CCDC116: variants seen among roughly 807,000 people sequenced by gnomAD.
The protein encoded by CCDC116 is coiled-coil domain containing 116.
Under a neutral mutation model 29.4 loss-of-function variants are expected in CCDC116, and 24 were observed. That is an observed-to-expected ratio of 0.82 (90% CI 0.59 to 1.15). The LOEUF (loss-of-function observed/expected upper bound fraction) is 1.15, where lower values mean the gene tolerates loss of function less well. Among genes scored for constraint, CCDC116 ranks in the 50% most tolerant of loss-of-function variants. The pLI is 0.00. For synonymous variants in CCDC116, 298 were observed against 331.4 expected (o/e 0.90, Z 1.10); for missense variants, 791 against 804.0 (o/e 0.98, Z 0.20).
intron 2 of CCDC116, 29 bp from the exon 3 acceptor site, chr22:21,633,993 T>C: frequency 1.3e-6 from 2 of 1,573,870 alleles, no homozygotes; most frequent in Non-Finnish European, 1.7e-6. Flanking sequence ...AGGGCACCCC[T>C]GCCCCCTGTG....
chr22:21,635,732 G>A (rs889588534), intron 4 of CCDC116: 21 of 608,480 alleles, frequency 3.5e-5, no homozygotes, highest in African/African-American at 9.2e-5. Flanking sequence ...GCTGATGGGG[G>A]CCCATGAATC....
At position 21,633,249 on chromosome 22, in the gene CCDC116, C is replaced by T. The variant is rs1213862545; in HGVS notation, c.68C>T (p.Ala23Val). Residue 23 changes from alanine to valine, a missense_variant, in exon 2 of 5, where the codon GCA (alanine) becomes GTA (valine). Transcript: ENST00000292779. The part of the protein sequence containing the change: ...DDEASHSMCS[A>V]RVQLPKKPLV... ...GAGGCCAGCCACTCCATGTGCAGTG[C>T]ACGGGTAAGTGTGCCCAGCAGGGCG... 3.2e-6 allele frequency: 5 copies of T among 1,548,048 alleles called. No individual in the cohort carries two copies. Among genetic ancestry groups the T allele is most frequent in the South Asian group, 2.4e-5 (2 of 84,008 alleles).
chr22:21,633,264 C>T lies in CCDC116; in HGVS notation c.72+11C>T, dbSNP rs748270771. The T allele has an allele frequency of 5.2e-6, 8 of 1,539,612 alleles. No individual in the cohort carries two copies. The highest frequency in any genetic ancestry group is 7.0e-6 in the Non-Finnish European group (8 of 1,138,462). ...ATGTGCAGTGCACGGGTAAGTGTGC[C>T]CAGCAGGGCGCCGACCCTTGAGGCC... On this transcript the variant is annotated intron_variant, in intron 2 of 4. Coordinates refer to ENST00000292779, the MANE Select transcript of CCDC116 (RefSeq NM_152612.3).
At position 21,634,416 on chromosome 22, in the gene CCDC116, C is replaced by T. The variant is rs750734468; in HGVS notation, c.467C>T (p.Ser156Phe). ...AACAACTACCCATCCAGCTCCAGCT[C>T]CATGTCCAACTGCCATAGCAGCCTC... ...HPNNYPSSSS[S>F]MSNCHSSLMA... Residue 156 changes from serine to phenylalanine, a missense_variant, in exon 3 of 5, where the codon TCC (serine) becomes TTC (phenylalanine). By Grantham distance (155) the Ser-to-Phe change is radical. Coordinates refer to ENST00000292779, the MANE Select transcript of CCDC116 (RefSeq NM_152612.3). 3.7e-6 allele frequency: 6 copies of T among 1,614,114 alleles called. No homozygotes were observed. Among genetic ancestry groups the T allele is most frequent in the Non-Finnish European group, 5.1e-6 (6 of 1,180,058 alleles).
At position 21,632,974 on chromosome 22, in the gene CCDC116, C is replaced by T. The variant is rs1184962207; in HGVS notation, c.-62-146C>T. 1.4e-4 allele frequency: 98 copies of T among 701,334 alleles called. No individual in the cohort carries two copies. The East Asian group carries it at 2.6e-3, about 18-fold the overall frequency. 43.4% of individuals were successfully genotyped at this position (701,334 alleles called of 1,614,324 possible). A position where few individuals can be genotyped will look rare whatever the true frequency, so the allele number is the denominator to read the frequency against. ...CCCGATGACTCTGGAAACTGCCTGC[C>T]TGCAGACGCATGGGGGCCATGGAGC... On this transcript the variant is annotated intron_variant, in intron 1 of 4. Coordinates refer to ENST00000292779, the MANE Select transcript of CCDC116 (RefSeq NM_152612.3).
intron 3 of CCDC116, 55 bp downstream of exon 3, chr22:21,634,625 T>G: frequency 3.2e-6 from 5 of 1,568,358 alleles, no homozygotes; most frequent in Non-Finnish European, 3.5e-6. Context: ...AGCCCAGGGC[T>G]AGGGTCAGCC....
Position 21,637,316 on chromosome 22 carries a change from T to G in CCDC116, c.*246T>G. On this transcript the variant is annotated 3_prime_UTR_variant, in exon 5 of 5. Coordinates refer to ENST00000292779, the MANE Select transcript of CCDC116 (RefSeq NM_152612.3). The stretch of plus-strand genomic sequence containing the variant: ...AAGCCTGTGTTGCTGGGACACAGGT[T>G]TGCTGTCCTGAGATTTCAGCCGCCA... 2.5e-6 allele frequency: 1 copy of G among 399,896 alleles called. No homozygotes were observed. The highest frequency in any genetic ancestry group is 4.4e-6 in the Non-Finnish European group (1 of 227,814). 24.8% of individuals were successfully genotyped at this position (399,896 alleles called of 1,614,324 possible).
At position 21,637,106 on chromosome 22, in the gene CCDC116, C is replaced by G; in HGVS notation, c.*36C>G. 1 of 1,551,238 alleles carries G rather than the reference C, an allele frequency of 6.4e-7. No homozygotes were observed. Among genetic ancestry groups the G allele is most frequent in the Non-Finnish European group, 8.7e-7 (1 of 1,147,416 alleles). ...AGCCTGGAGAGGAGGCCTCGGTCAG[C>G]CACTCCGTGGACGTGGGCCACGGTG... On this transcript the variant is annotated 3_prime_UTR_variant, in exon 5 of 5. Transcript: ENST00000292779.
Position 21,632,803 on chromosome 22 carries a change from T to G in CCDC116, c.-87T>G, listed in dbSNP as rs1930602285. 6 of 399,088 alleles carry G rather than the reference T, an allele frequency of 1.5e-5. No individual in the cohort carries two copies. The highest frequency in any genetic ancestry group is 1.2e-4 in the South Asian group (6 of 48,760). 24.7% of individuals were successfully genotyped at this position (399,088 alleles called of 1,614,324 possible). ...AGTGAGGGCGCAGACTGTACTGGCC[T>G]GTGCGGAGCAAGGCGGTGTTTCTGG... On this transcript the variant is annotated 5_prime_UTR_variant, in exon 1 of 5. Coordinates refer to ENST00000292779, the MANE Select transcript of CCDC116 (RefSeq NM_152612.3).
intron 4 of CCDC116, among the ~76,000 whole-genome samples, chr22:21,635,959 TG>T (rs1024495019): frequency 1.4e-4 from 21 of 152,230 alleles, no homozygotes; most frequent in Admixed American, 3.9e-4. Flanking sequence ...CTCCAGTCCC[TG>T]GACTTTGCTG....
chr22:21,636,608 G>A lies in CCDC116; in HGVS notation c.1380G>A (p.Gln460=), dbSNP rs768686064. Residue 460 remains glutamine, a synonymous_variant, in exon 5 of 5, where the codon CAG becomes CAA. Transcript: ENST00000292779. ...AGTTCGAAAAGGACCTCAGTAAGCAGCTGGGCTTCTTCTCCTTCCCCATCA... is the reference window on the plus strand; with the variant it reads ...AGTTCGAAAAGGACCTCAGTAAGCAACTGGGCTTCTTCTCCTTCCCCATCA... ...KYEFEKDLSK[Q]LGFFSFPITH... is the part of the protein sequence containing the mutation. 4 of 1,614,040 alleles carry A rather than the reference G, an allele frequency of 2.5e-6. No individual in the cohort carries two copies. In the Admixed American group the frequency reaches 5.0e-5, roughly 20 times the overall value.
Position 21,634,312 on chromosome 22 carries a change from A to T in CCDC116, c.363A>T (p.Gly121=), listed in dbSNP as rs778000598. The change falls in exon 3 of 5, where the codon GGA becomes GGT. Residue 121 remains glycine, a synonymous_variant. Transcript: ENST00000292779. ...ACCCAGTGGAGGTGCCAAGTGGTGGACGGCGGGCACATGCCCGGCCCAGCC... is the reference window on the plus strand; with the variant it reads ...ACCCAGTGGAGGTGCCAAGTGGTGGTCGGCGGGCACATGCCCGGCCCAGCC... ...VQDPVEVPSG[G]RRAHARPSLS... 9 of 1,612,926 alleles carry T rather than the reference A, an allele frequency of 5.6e-6. No homozygotes were observed. The highest frequency in any genetic ancestry group is 1.6e-4 in the Middle Eastern group (1 of 6,062).
rs758843817 is a variant in CCDC116, at chr22:21,635,161, C to A, written c.1098C>A (p.Pro366=). The change falls in exon 4 of 5, where the codon CCC becomes CCA. Residue 366 remains proline, a synonymous_variant. Coordinates refer to ENST00000292779, the MANE Select transcript of CCDC116 (RefSeq NM_152612.3). ...PTNGGQPYAS[P]RPTVSSPKML... Reference sequence around the variant, plus strand: ...ATGGCGGGCAGCCCTATGCTTCCCCCCGCCCCACAGTCTCCAGCCCCAAGA... The same window carrying A: ...ATGGCGGGCAGCCCTATGCTTCCCCACGCCCCACAGTCTCCAGCCCCAAGA... The A allele has an allele frequency of 1.9e-5, 30 of 1,601,688 alleles. No homozygotes were observed. The highest frequency in any genetic ancestry group is 2.4e-5 in the Non-Finnish European group (28 of 1,179,926).
chr22:21,634,747 G>C lies in CCDC116; in HGVS notation c.684G>C (p.Gln228His). ...DSLLWDSLGS[Q>H]TSFQWTQEQP... is the part of the protein sequence containing the mutation. Reference sequence around the variant, plus strand: ...TGCTGTGGGATTCGCTGGGTAGCCAGACCAGCTTTCAGTGGACACAGGAGC... The same window carrying C: ...TGCTGTGGGATTCGCTGGGTAGCCACACCAGCTTTCAGTGGACACAGGAGC... The change falls in exon 4 of 5, where the codon CAG becomes CAC. Residue 228 changes from glutamine to histidine, a missense_variant. By Grantham distance (24) the Gln-to-His change is conservative. Transcript: ENST00000292779. The C allele has an allele frequency of 6.2e-7, 1 of 1,613,554 alleles. No homozygotes were observed.
Position 21,633,148 on chromosome 22 carries a change from G to GA in CCDC116, c.-34_-33insA. 1 of 1,528,338 alleles carries GA rather than the reference G, an allele frequency of 6.5e-7. No homozygotes were observed. The highest frequency in any genetic ancestry group is 2.4e-5 in the East Asian group (1 of 40,876). 94.7% of individuals were successfully genotyped at this position (1,528,338 alleles called of 1,614,324 possible). On this transcript the variant is annotated 5_prime_UTR_variant, in exon 2 of 5. Transcript: ENST00000292779. ...GGAATGCGCAGCTGAAGAGAGAGGT[G>GA]GGCAGCAGGCCCGGTCACCTGCCAG... is the stretch of plus-strand genomic sequence containing the variant.
chr22:21,635,149 C>T lies in CCDC116; in HGVS notation c.1086C>T (p.Pro362=). Residue 362 remains proline, a synonymous_variant, in exon 4 of 5, where the codon CCC becomes CCT. Coordinates refer to ENST00000292779, the MANE Select transcript of CCDC116 (RefSeq NM_152612.3). ...EPAKPTNGGQ[P]YASPRPTVSS... is the part of the protein sequence containing the mutation. ...CTAAACCCACCAATGGCGGGCAGCC[C>T]TATGCTTCCCCCCGCCCCACAGTCT... 1.2e-6 allele frequency: 2 copies of T among 1,602,820 alleles called. No homozygotes were observed. Among genetic ancestry groups the T allele is most frequent in the Non-Finnish European group, 1.7e-6 (2 of 1,179,898 alleles).
chr22:21,637,201 C>T lies in CCDC116; in HGVS notation c.*131C>T. 1 of 1,377,332 alleles carries T rather than the reference C, an allele frequency of 7.3e-7. No homozygotes were observed. Among genetic ancestry groups the T allele is most frequent in the Non-Finnish European group, 9.6e-7 (1 of 1,044,180 alleles). The allele number at this position is 1,377,332 out of a possible 1,614,324, so 85.3% of individuals were successfully genotyped here. A position where few individuals can be genotyped will look rare whatever the true frequency, so the allele number is the denominator to read the frequency against. On this transcript the variant is annotated 3_prime_UTR_variant, in exon 5 of 5. Coordinates refer to ENST00000292779, the MANE Select transcript of CCDC116 (RefSeq NM_152612.3). Reference sequence around the variant, plus strand: ...CAGAGTTGCTGCACATCACACCAGCCCCTGCCAAGAGCAGGAGTCACCACA... The same window carrying T: ...CAGAGTTGCTGCACATCACACCAGCTCCTGCCAAGAGCAGGAGTCACCACA...
In CCDC116 at chr22:21,634,567, A is replaced by G. The variant is rs773731699; in HGVS notation, c.618A>G (p.Glu206=). The change falls in exon 3 of 5, where the codon GAA becomes GAG. Residue 206 remains glutamate (E), a synonymous_variant. Coordinates refer to ENST00000292779, the MANE Select transcript of CCDC116 (RefSeq NM_152612.3). ...NLKRLLQLER[E]GKGLSQSCSQ... ...AGCGGCTGCTACAGCTGGAGAGGGA[A>G]GGGGTGAGAGCCAGGGCCATGGCTG... is the stretch of plus-strand genomic sequence containing the variant. 1.3e-6 allele frequency: 2 copies of G among 1,597,710 alleles called. No homozygotes were observed. The highest frequency in any genetic ancestry group is 2.7e-5 in the African/African-American group (2 of 74,786).
rs749122640 is a variant in CCDC116, at chr22:21,636,889, G to A, written c.1661G>A (p.Arg554Gln). Reference sequence around the variant, plus strand: ...CTCTACACCAACTTGCCAGCCAGCCGGCAGCTCAGCCCTTTGGAGCCCAAG... The same window carrying A: ...CTCTACACCAACTTGCCAGCCAGCCAGCAGCTCAGCCCTTTGGAGCCCAAG... ...RSLYTNLPAS[R>Q]QLSPLEPKLY... The change falls in exon 5 of 5, where the codon CGG becomes CAG. Residue 554 changes from arginine (R) to glutamine (Q), a missense_variant. By Grantham distance (43) the Arg-to-Gln change is conservative (BLOSUM62 1). Coordinates refer to ENST00000292779, the MANE Select transcript of CCDC116 (RefSeq NM_152612.3). The A allele has an allele frequency of 1.5e-5, 25 of 1,613,706 alleles. No individual in the cohort carries two copies. The highest frequency in any genetic ancestry group is 2.2e-5 in the South Asian group (2 of 91,078).
Sources: allele counts gnomAD v4.1 joint callset (sites outside exome capture counted in the v4.1 genomes callset), GRCh38; gene constraint gnomAD v4.1.1; transcripts MANE v1.5; gene names NCBI Gene and HGNC (gene_info 2026-07-23, HGNC 2026-07-21).